Variants in ANKS1B observed in about 807,000 individuals in gnomAD.
ANKS1B encodes ankyrin repeat and sterile alpha motif domain containing 1B.
ANKS1B carries 36 observed loss-of-function variants against 148.3 expected under a neutral mutation model. That is an observed-to-expected ratio of 0.24 (90% CI 0.19 to 0.32). The LOEUF is 0.32. Among genes scored for constraint, ANKS1B ranks in the 10% least tolerant of loss-of-function variants. ANKS1B has a pLI of 1.00. For synonymous variants in ANKS1B, 542 were observed against 560.8 expected (o/e 0.97, Z 0.47); for missense variants, 1,157 against 1,542.6 (o/e 0.75, Z 4.19).
At chr12:99,676,000 C>A (rs2098565328) in intron 8 of ANKS1B, among the ~76,000 whole-genome samples, 1 of 152,142 alleles carries the variant, frequency 6.6e-6, no homozygotes, top group East Asian at 1.9e-4. Flanking sequence ...GTAATCCCCA[C>A]ATGTCTTTGG....
At chr12:99,611,378 T>G (rs928808517) in intron 9 of ANKS1B, among the ~76,000 whole-genome samples, 5 of 152,124 alleles carry the variant, frequency 3.3e-5, no homozygotes, top group African/African-American at 7.2e-5. Context: ...ACTTTGTAAT[T>G]TAAAATTTCC....
At chr12:98,795,545 G>A in intron 22 of ANKS1B, 1 of 414,906 alleles carries the variant, frequency 2.4e-6, no homozygotes, top group Admixed American at 3.1e-5. Flanking sequence ...AGAAGCAGAG[G>A]AATCCCAGTG....
chr12:99,111,536 T>G (rs1446694565), intron 15 of ANKS1B, among the ~76,000 whole-genome samples: 1 of 145,642 alleles, frequency 6.9e-6, no homozygotes, highest in Non-Finnish European at 1.5e-5. Flanking sequence ...TTTTAAGGTG[T>G]TTTTTTTTTT....
intron 25 of ANKS1B, among the ~76,000 whole-genome samples, chr12:98,757,939 T>TGTGTGTGTGTGTGTAC (rs1555259048): frequency 8.6e-6 from 1 of 115,954 alleles, no homozygotes; most frequent in Non-Finnish European, 1.8e-5. Context: ...TGTGTGCACG[T>TGTGTGTGTGTGTGTAC]GTGTGTGTGT....
At chr12:99,697,298 C>G (rs932835624) in intron 8 of ANKS1B, among the ~76,000 whole-genome samples, 1 of 152,142 alleles carries the variant, frequency 6.6e-6, no homozygotes, top group South Asian at 2.1e-4. Context: ...TTTATAGCAG[C>G]TTTATTCATA....
intron 17 of ANKS1B, among the ~76,000 whole-genome samples, chr12:98,882,754 C>CA (rs5800370): frequency 0.18 from 22,251 of 121,338 alleles, 1,951 homozygotes; most frequent in Non-Finnish European, 0.25. Context: ...TGCCATACTG[C>CA]AAAAAAAAAA....
intron 16 of ANKS1B, among the ~76,000 whole-genome samples, chr12:99,071,616 G>A (rs1320900955): frequency 1.3e-5 from 2 of 151,014 alleles, no homozygotes; most frequent in African/African-American, 4.9e-5. Flanking sequence ...AGATCTCTCT[G>A]TATTAGGCTT....
chr12:99,456,048 G>T (rs1316233750), intron 10 of ANKS1B, among the ~76,000 whole-genome samples: 2 of 152,104 alleles, frequency 1.3e-5, no homozygotes, highest in East Asian at 1.9e-4. Flanking sequence ...ACCAGAGCAG[G>T]TGCTGGTATG....
chr12:99,241,047 C>T (rs561409030), intron 14 of ANKS1B, among the ~76,000 whole-genome samples: 2 of 152,204 alleles, frequency 1.3e-5, no homozygotes, highest in East Asian at 1.9e-4. Flanking sequence ...TAATTAAGAT[C>T]AGAGCAGAAT....
chr12:99,687,249 C>T (rs2098654825), intron 8 of ANKS1B, among the ~76,000 whole-genome samples: 1 of 151,918 alleles, frequency 6.6e-6, no homozygotes, highest in Admixed American at 6.6e-5. Context: ...TTTTCTCTGG[C>T]TGCTTTTAGG....
At chr12:99,465,175 T>A (rs1403260119) in intron 10 of ANKS1B, among the ~76,000 whole-genome samples, 3 of 152,210 alleles carry the variant, frequency 2.0e-5, no homozygotes, top group Non-Finnish European at 2.9e-5. Context: ...ACCCAGAATT[T>A]CATATCCAGC....
At chr12:99,592,333 G>T (rs1190671960) in intron 9 of ANKS1B, among the ~76,000 whole-genome samples, 1 of 152,012 alleles carries the variant, frequency 6.6e-6, no homozygotes, top group East Asian at 1.9e-4. Flanking sequence ...ACTACGGTTT[G>T]AAGTGAATAG....
At chr12:99,469,067 T>A (rs2152895592) in intron 10 of ANKS1B, among the ~76,000 whole-genome samples, 1 of 152,014 alleles carries the variant, frequency 6.6e-6, no homozygotes, top group African/African-American at 2.4e-5. Flanking sequence ...CAGACTGGAT[T>A]AAGAAAATGT....
chr12:98,777,359 A>C (rs1308044034), intron 24 of ANKS1B, among the ~76,000 whole-genome samples: 9 of 152,260 alleles, frequency 5.9e-5, no homozygotes, highest in Admixed American at 3.9e-4. Flanking sequence ...AGCAAAAAAC[A>C]AACCCTGGCA....
At chr12:99,718,189 C>G (rs544338023) in intron 8 of ANKS1B, among the ~76,000 whole-genome samples, 4 of 152,216 alleles carry the variant, frequency 2.6e-5, no homozygotes, top group Admixed American at 1.3e-4. Flanking sequence ...CGTGAGCCAC[C>G]GCGCCCAGCC....
intron 8 of ANKS1B, among the ~76,000 whole-genome samples, chr12:99,763,650 C>A (rs1206503926): frequency 6.6e-6 from 1 of 151,316 alleles, no homozygotes. Context: ...CCTCACTGAA[C>A]CTAAAATAAA....
chr12:99,687,689 A>G (rs1231127232), intron 8 of ANKS1B, among the ~76,000 whole-genome samples: 1 of 151,818 alleles, frequency 6.6e-6, no homozygotes, highest in African/African-American at 2.4e-5. Context: ...TTTTTTTCTT[A>G]CACTTCTCTC....
At chr12:99,672,700 G>T (rs2098543782) in intron 8 of ANKS1B, among the ~76,000 whole-genome samples, 2 of 152,100 alleles carry the variant, frequency 1.3e-5, no homozygotes, top group Non-Finnish European at 2.9e-5. Context: ...CAACCTTAGG[G>T]AGAGGTGCTC....
intron 8 of ANKS1B, among the ~76,000 whole-genome samples, chr12:99,709,913 A>G (rs560679429): frequency 1.3e-5 from 2 of 152,260 alleles, no homozygotes; most frequent in East Asian, 3.9e-4. Context: ...CTGGGCACAG[A>G]GTATTCATGG....
Sources: allele counts gnomAD v4.1 joint callset (sites outside exome capture counted in the v4.1 genomes callset), GRCh38; gene constraint gnomAD v4.1.1; transcripts MANE v1.5; gene names NCBI Gene and HGNC (gene_info 2026-07-23, HGNC 2026-07-21).